Variants in SUGCT observed in about 807,000 individuals in gnomAD.
The protein encoded by SUGCT is succinyl-CoA:glutarate-CoA transferase, also known as succinyl-CoA:glutarate CoA-transferase.
A neutral mutation model predicts 55.0 loss-of-function variants in SUGCT; 41 were observed. The ratio of observed to expected loss-of-function variants is 0.74; its 90% CI spans 0.58 to 0.97. The LOEUF (loss-of-function observed/expected upper bound fraction) is 0.97. Among genes scored for constraint, SUGCT ranks in the 50% least tolerant of loss-of-function variants. SUGCT has a pLI of 0.00. For synonymous variants in SUGCT, 187 were observed against 200.4 expected (o/e 0.93, Z 0.56); for missense variants, 568 against 547.8 (o/e 1.04, Z -0.37).
At chr7:40,378,431 AC>A (rs1268956252) in intron 9 of SUGCT, among the ~76,000 whole-genome samples, 1 of 152,090 alleles carries the variant, frequency 6.6e-6, no homozygotes, top group Non-Finnish European at 1.5e-5. Flanking sequence ...CTGTTATTGT[AC>A]TTTTCAACTC....
chr7:40,180,167 C>G (rs1348837287), intron 1 of SUGCT, among the ~76,000 whole-genome samples: 1 of 151,390 alleles, frequency 6.6e-6, no homozygotes, highest in Admixed American at 6.6e-5. Context: ...CTGTGTCGCT[C>G]AGGTGGAGTG....
At chr7:40,336,332 C>T (rs1796703185) in intron 9 of SUGCT, among the ~76,000 whole-genome samples, 1 of 152,276 alleles carries the variant, frequency 6.6e-6, no homozygotes, top group Non-Finnish European at 1.5e-5. Context: ...GGTACCAGCT[C>T]CTCCCTGTAC....
At chr7:40,319,907 C>T (rs1478078333) in intron 9 of SUGCT, among the ~76,000 whole-genome samples, 3 of 152,024 alleles carry the variant, frequency 2.0e-5, no homozygotes, top group African/African-American at 2.4e-5. Context: ...ACTGCAGCCT[C>T]GACCTGCTGG....
At chr7:40,885,315 T>A in the SUGCT span, among the ~76,000 whole-genome samples, 1 of 152,156 alleles carries the variant, frequency 6.6e-6, no homozygotes, top group Non-Finnish European at 1.5e-5. Context: ...CTCTACTGCC[T>A]CCTCAAAAGT....
intron 7 of SUGCT, among the ~76,000 whole-genome samples, chr7:40,253,819 C>T (rs1462336471): frequency 6.6e-6 from 1 of 152,226 alleles, no homozygotes; most frequent in African/African-American, 2.4e-5. Flanking sequence ...CTGCACCCGG[C>T]CTACATGTTT....
chr7:40,681,149 T>G (rs1159133402), intron 12 of SUGCT, among the ~76,000 whole-genome samples: 2 of 152,156 alleles, frequency 1.3e-5, no homozygotes, highest in Non-Finnish European at 2.9e-5. Flanking sequence ...GTGTCTTTTT[T>G]ATGCTAATGA....
chr7:40,928,781 G>T, the SUGCT span, among the ~76,000 whole-genome samples: 7 of 151,926 alleles, frequency 4.6e-5, no homozygotes, highest in African/African-American at 1.7e-4. Context: ...TGTATTTTCA[G>T]TAGAGACTGG....
intron 8 of SUGCT, among the ~76,000 whole-genome samples, chr7:40,289,061 T>C (rs921587217): frequency 6.6e-6 from 1 of 152,186 alleles, no homozygotes; most frequent in Non-Finnish European, 1.5e-5. Flanking sequence ...TCACCTGTGG[T>C]AGGCTGAAAA....
intron 12 of SUGCT, among the ~76,000 whole-genome samples, chr7:40,497,086 T>G (rs569112078): frequency 6.6e-6 from 1 of 152,290 alleles, no homozygotes; most frequent in South Asian, 2.1e-4. Flanking sequence ...CTACAAGCAA[T>G]TTACCATTTC....
chr7:40,316,955 G>GTTTTTTTTTTTTTTTTTTTTTTTTTT lies in SUGCT; in HGVS notation c.816+118_816+119insTTTTTTTTTTTTTTTTTTTTTTTTTT, dbSNP rs56989808. The GTTTTTTTTTTTTTTTTTTTTTTTTTT allele has an allele frequency of 9.6e-4, 167 of 173,498 alleles. 3 individuals are homozygous for GTTTTTTTTTTTTTTTTTTTTTTTTTT. Among genetic ancestry groups the GTTTTTTTTTTTTTTTTTTTTTTTTTT allele is most frequent in the Non-Finnish European group, 1.4e-3 (129 of 93,504 alleles). 10.7% of individuals were successfully genotyped at this position (173,498 alleles called of 1,614,324 possible). On this transcript the variant is annotated intron_variant, in intron 9 of 13. Coordinates refer to ENST00000335693, the MANE Select transcript of SUGCT (RefSeq NM_001193313.2). ...CTTTTTATACACAAATCCTTCAGCT[G>GTTTTTTTTTTTTTTTTTTTTTTTTTT]TTTTTTTTTTTTTTTTTTGTAATGT...
the SUGCT span, among the ~76,000 whole-genome samples, chr7:40,956,999 C>G: frequency 6.6e-6 from 1 of 151,930 alleles, no homozygotes; most frequent in South Asian, 2.1e-4. Flanking sequence ...GTTATGATTT[C>G]TGTTCTTTTG....
chr7:40,397,116 T>C (rs1785777098), intron 9 of SUGCT, among the ~76,000 whole-genome samples: 1 of 152,176 alleles, frequency 6.6e-6, no homozygotes, highest in African/African-American at 2.4e-5. Context: ...TAAAAATGCA[T>C]GCAGAGTGGT....
the SUGCT span, among the ~76,000 whole-genome samples, chr7:40,904,125 A>T: frequency 1.3e-5 from 2 of 152,210 alleles, no homozygotes; most frequent in Non-Finnish European, 2.9e-5. Flanking sequence ...GAGTTTTTAC[A>T]GCCAAATTAC....
At chr7:40,325,118 A>G (rs1425170983) in intron 9 of SUGCT, among the ~76,000 whole-genome samples, 1 of 152,210 alleles carries the variant, frequency 6.6e-6, no homozygotes, top group Non-Finnish European at 1.5e-5. Flanking sequence ...AAGTTTGAAG[A>G]TATGCAGTAC....
At chr7:40,898,496 G>GGGGGGGGGGGA in the SUGCT span, among the ~76,000 whole-genome samples, 1 of 101,872 alleles carries the variant, frequency 9.8e-6, no homozygotes. Flanking sequence ...GGGGGGGGGG[G>GGGGGGGGGGGA]GTGGATCACG....
At chr7:40,659,172 C>T (rs190537065) in intron 12 of SUGCT, among the ~76,000 whole-genome samples, 25 of 152,224 alleles carry the variant, frequency 1.6e-4, no homozygotes, top group Non-Finnish European at 2.8e-4. Context: ...TATGCTTAAC[C>T]GAACAATGAT....
chr7:40,477,997 TC>T (rs1456329262), intron 11 of SUGCT, among the ~76,000 whole-genome samples: 1 of 152,066 alleles, frequency 6.6e-6, no homozygotes, highest in Non-Finnish European at 1.5e-5. Flanking sequence ...GGCTTTTTTT[TC>T]CCCCACCTTT....
intron 6 of SUGCT, among the ~76,000 whole-genome samples, chr7:40,231,021 C>T (rs11762020): frequency 0.41 from 62,767 of 151,940 alleles, 13,072 homozygotes; most frequent in East Asian, 0.48. Flanking sequence ...CATTGTTATT[C>T]TAGATACGGG....
At chr7:40,798,078 CTGAT>C (rs1790634336) in intron 13 of SUGCT, among the ~76,000 whole-genome samples, 1 of 152,242 alleles carries the variant, frequency 6.6e-6, no homozygotes, top group African/African-American at 2.4e-5. Context: ...TTCAGCAACT[CTGAT>C]TGAATCCTCA....
Sources: allele counts gnomAD v4.1 joint callset (sites outside exome capture counted in the v4.1 genomes callset), GRCh38; gene constraint gnomAD v4.1.1; transcripts MANE v1.5; gene names NCBI Gene and HGNC (gene_info 2026-07-23, HGNC 2026-07-21).